The following NPSR1 variants were observed in gnomAD, a reference collection of about 807,000 sequenced individuals.
The protein encoded by NPSR1 is neuropeptide S receptor 1.
NPSR1 carries 48 observed loss-of-function variants against 46.9 expected under a neutral mutation model. The observed-to-expected ratio is 1.02, with a 90% CI of 0.81 to 1.30. NPSR1 has a LOEUF of 1.30. Among genes scored for constraint, NPSR1 ranks in the 50% most tolerant of loss-of-function variants. The pLI, the probability that NPSR1 is intolerant of heterozygous loss-of-function variation, is 0.00. For missense variants in NPSR1, 450 were observed against 449.5 expected (o/e 1.00, Z -0.01); for synonymous variants, 176 against 168.1 (o/e 1.05, Z -0.36).
chr7:34,661,579 C>G (rs1791452944), intron 1 of NPSR1, among the ~76,000 whole-genome samples: 1 of 152,178 alleles, frequency 6.6e-6, no homozygotes, highest in African/African-American at 2.4e-5. Flanking sequence ...GTTCCTTCCT[C>G]CCACCTCCAC....
chr7:34,685,553 G>A (rs575599056), intron 2 of NPSR1, among the ~76,000 whole-genome samples: 11 of 152,234 alleles, frequency 7.2e-5, no homozygotes, highest in Admixed American at 3.9e-4. Flanking sequence ...AAGGAGTGAC[G>A]GCAAATGACT....
chr7:34,814,479 A>C (rs1017346131), intron 4 of NPSR1, among the ~76,000 whole-genome samples: 7 of 152,260 alleles, frequency 4.6e-5, no homozygotes, highest in East Asian at 1.9e-4. Context: ...GCTGAACAAA[A>C]GGCAGCAGAC....
At chr7:34,739,670 A>C (rs747480280) in intron 2 of NPSR1, among the ~76,000 whole-genome samples, 9 of 152,016 alleles carry the variant, frequency 5.9e-5, no homozygotes, top group Non-Finnish European at 1.0e-4. Context: ...AGTGATTGTT[A>C]TCTCTCTTTT....
At chr7:34,797,193 G>C (rs1331479037) in intron 3 of NPSR1, among the ~76,000 whole-genome samples, 4 of 152,130 alleles carry the variant, frequency 2.6e-5, no homozygotes, top group African/African-American at 9.7e-5. Flanking sequence ...TGGGGAGAGG[G>C]AGGCAGAGCA....
chr7:34,775,734 T>C (rs537860575), intron 2 of NPSR1, among the ~76,000 whole-genome samples: 1 of 152,284 alleles, frequency 6.6e-6, no homozygotes, highest in South Asian at 2.1e-4. Flanking sequence ...TTCATTTATT[T>C]CTGCTCTGAT....
intron 2 of NPSR1, among the ~76,000 whole-genome samples, chr7:34,706,527 A>T: frequency 6.6e-6 from 1 of 152,148 alleles, no homozygotes; most frequent in Non-Finnish European, 1.5e-5. Context: ...TTTCTGAAGT[A>T]TCTTAAAGGT....
intron 2 of NPSR1, among the ~76,000 whole-genome samples, chr7:34,726,042 G>T (rs567350212): frequency 6.6e-6 from 1 of 152,282 alleles, no homozygotes; most frequent in East Asian, 1.9e-4. Context: ...GTGGAGCTGT[G>T]AGTCAGTTAA....
chr7:34,792,689 G>T (rs325452), intron 3 of NPSR1, among the ~76,000 whole-genome samples: 15,787 of 69,406 alleles, frequency 0.23, 1,881 homozygotes, highest in African/African-American at 0.32. Context: ...ATATATATAT[G>T]TATATATATA....
chr7:34,829,334 T>C (rs182236923), intron 5 of NPSR1, among the ~76,000 whole-genome samples: 72 of 152,280 alleles, frequency 4.7e-4, no homozygotes, highest in African/African-American at 1.7e-3. Flanking sequence ...ACCAACACTT[T>C]ATTTTGACTT....
chr7:34,869,235 G>T (rs564608742), intron 8 of NPSR1, among the ~76,000 whole-genome samples: 1 of 151,550 alleles, frequency 6.6e-6, no homozygotes, highest in Non-Finnish European at 1.5e-5. Flanking sequence ...ATAACCAAGC[G>T]GAGGCAAAAA....
chr7:34,668,018 A>G (rs1365615497), intron 1 of NPSR1, among the ~76,000 whole-genome samples: 5 of 151,992 alleles, frequency 3.3e-5, no homozygotes, highest in Non-Finnish European at 5.9e-5. Context: ...ATGTAAAATA[A>G]ACTCTTACTC....
In NPSR1 at chr7:34,849,234, T is replaced by C. The variant is rs142557649; in HGVS notation, c.1026-331T>C. ...GCTTAATGCCAGTGGTTGAAGTTTA[T>C]ATCTTGCCATTGTTTATTCGTAGCG... On this transcript the variant is annotated intron_variant, in intron 8 of 8. Transcript: ENST00000360581. 1.6e-3 allele frequency: 1,380 copies of C among 846,884 alleles called. 42 individuals are homozygous for C. The East Asian group carries it at 0.036, about 22-fold the overall frequency. The allele number at this position is 846,884 out of a possible 1,614,324, so 52.5% of individuals were successfully genotyped here. A position where few individuals can be genotyped will look rare whatever the true frequency, so the allele number is the denominator to read the frequency against.
chr7:34,797,568 T>A (rs942557050), intron 3 of NPSR1, among the ~76,000 whole-genome samples: 1 of 152,064 alleles, frequency 6.6e-6, no homozygotes, highest in Non-Finnish European at 1.5e-5. Flanking sequence ...AGCACACACA[T>A]ATAACAGAAA....
intron 2 of NPSR1, among the ~76,000 whole-genome samples, chr7:34,718,276 C>G (rs752320990): frequency 6.6e-6 from 1 of 152,200 alleles, no homozygotes; most frequent in Non-Finnish European, 1.5e-5. Context: ...GCATTGTTCA[C>G]ATTTTTGCAA....
At chr7:34,776,887 C>G (rs1786985211) in intron 2 of NPSR1, among the ~76,000 whole-genome samples, 1 of 152,186 alleles carries the variant, frequency 6.6e-6, no homozygotes, top group African/African-American at 2.4e-5. Context: ...AAGGCGGCCT[C>G]TCAGAGCTGA....
At chr7:34,677,934 G>A (rs1255250558) in intron 1 of NPSR1, among the ~76,000 whole-genome samples, 1 of 152,220 alleles carries the variant, frequency 6.6e-6, no homozygotes, top group Admixed American at 6.5e-5. Flanking sequence ...CAGAGCCTCA[G>A]TAAGGAAAAC....
rs759677549 is a variant in NPSR1, at chr7:34,811,807, C to G, written c.422C>G (p.Ser141Cys). The change falls in exon 4 of 9, where the codon TCC (serine) becomes TGC (cysteine). Residue 141 changes from serine to cysteine, a missense_variant. Transcript: ENST00000360581. ...LLYASTYVLV[S>C]LSIDRYHAIV... ...TACGCCTCTACCTACGTCCTGGTGT[C>G]CCTCAGCATAGACAGATACCATGCC... 5.5e-5 allele frequency: 88 copies of G among 1,613,076 alleles called. No individual in the cohort carries two copies. The highest frequency in any genetic ancestry group is 8.4e-5 in the Admixed American group (5 of 59,846).
At chr7:34,815,386 GAAAC>G (rs1388429268) in intron 4 of NPSR1, among the ~76,000 whole-genome samples, 19 of 152,146 alleles carry the variant, frequency 1.2e-4, no homozygotes, top group Non-Finnish European at 5.9e-5. Context: ...AGATTAAAAA[GAAAC>G]AAACAAAGCC....
chr7:34,682,894 T>C (rs1792717423), intron 1 of NPSR1, among the ~76,000 whole-genome samples: 1 of 152,152 alleles, frequency 6.6e-6, no homozygotes, highest in African/African-American at 2.4e-5. Context: ...AGATGCTGCC[T>C]CCAAGTGGGA....
Sources: allele counts gnomAD v4.1 joint callset (sites outside exome capture counted in the v4.1 genomes callset), GRCh38; gene constraint gnomAD v4.1.1; transcripts MANE v1.5; gene names NCBI Gene and HGNC (gene_info 2026-07-23, HGNC 2026-07-21).